The following GABRA6 variants were observed in gnomAD, a reference collection of about 807,000 sequenced individuals.
The protein encoded by GABRA6 is gamma-aminobutyric acid receptor subunit alpha-6.
Under a neutral mutation model 47.3 loss-of-function variants are expected in GABRA6, and 45 were observed. The ratio of observed to expected loss-of-function variants is 0.95; its 90% CI spans 0.75 to 1.22. The LOEUF (loss-of-function observed/expected upper bound fraction) is 1.22. Ranked by LOEUF, GABRA6 falls within the 50% of genes most tolerant of loss-of-function variation. The probability of loss-of-function intolerance (pLI) is 0.00; values close to 1 mark genes in which losing one functional copy is unlikely to be tolerated. For missense variants in GABRA6, 583 were observed against 549.3 expected, an observed-to-expected ratio of 1.06 and a Z score of -0.61; for synonymous variants, 219 against 194.7, an observed-to-expected ratio of 1.12 and a Z score of -1.04.
At chr5:161,694,955 T>C (rs979393436) in intron 8 of GABRA6, among the ~76,000 whole-genome samples, 3 of 152,182 alleles carry the variant, frequency 2.0e-5, no homozygotes, top group African/African-American at 7.2e-5. Context: ...CACAATGGTA[T>C]ATTTTGATTG....
chr5:161,693,602 G>A (rs1754840597), intron 8 of GABRA6, among the ~76,000 whole-genome samples: 2 of 151,904 alleles, frequency 1.3e-5, no homozygotes, highest in African/African-American at 4.8e-5. Context: ...CTTGAAGCCA[G>A]GAGTTAAAAA....
intron 6 of GABRA6, 127 bp downstream of exon 6, chr5:161,689,906 G>A (rs925576667): frequency 8.2e-6 from 8 of 981,186 alleles, no homozygotes; most frequent in Non-Finnish European, 1.2e-5. Flanking sequence ...GCAGTGATGA[G>A]TAGCTTTCCT....
intron 3 of GABRA6, 54 bp downstream of exon 3, chr5:161,687,057 T>G: frequency 1.6e-5 from 22 of 1,397,186 alleles, no homozygotes; most frequent in Non-Finnish European, 1.9e-5. Flanking sequence ...GAGAGTGGAG[T>G]CCCAAAACTA....
chr5:161,685,958 AG>A lies in GABRA6; in HGVS notation c.-29del. The A allele has an allele frequency of 4.4e-6, 7 of 1,606,674 alleles. No homozygotes were observed. The highest frequency in any genetic ancestry group is 6.0e-6 in the Non-Finnish European group (7 of 1,173,152). On this transcript the variant is annotated 5_prime_UTR_variant, in exon 1 of 9. Coordinates refer to ENST00000274545, the MANE Select transcript of GABRA6 (RefSeq NM_000811.3). ...GGCTAGCAGGGAGGACGACCCTAGG[AG>A]GGTGAATTCTGCATTTCAGTGCACT...
rs1754767474 is a variant in GABRA6 at position 161,690,187 on chromosome 5, G to C, written c.674-14G>C. 6.2e-7 allele frequency: 1 copy of C among 1,612,106 alleles called. No homozygotes were observed. The highest frequency in any genetic ancestry group is 1.3e-5 in the African/African-American group (1 of 74,858). ...GTCAGCAGTAATAATACTGATGTAT[G>C]TGTCTTCCAACAGGTGAATACGTTA... On this transcript the variant is annotated splice_polypyrimidine_tract_variant and intron_variant, in intron 6 of 8. Transcript: ENST00000274545.
At chr5:161,686,153 C>G in intron 1 of GABRA6, 77 bp from the exon 2 acceptor site, 1 of 1,389,916 alleles carries the variant, frequency 7.2e-7, no homozygotes, top group Admixed American at 1.7e-5. Context: ...GTATTTGTAA[C>G]AGGGTGGAAT....
intron 8 of GABRA6, among the ~76,000 whole-genome samples, chr5:161,693,621 G>A (rs1754841288): frequency 6.6e-6 from 1 of 150,508 alleles, no homozygotes; most frequent in South Asian, 2.1e-4. Context: ...AATCAGAATG[G>A]GCAACATAGC....
At chr5:161,687,049 G>T in intron 3 of GABRA6, 46 bp downstream of exon 3, 1 of 1,510,586 alleles carries the variant, frequency 6.6e-7, no homozygotes, top group Non-Finnish European at 9.2e-7. Flanking sequence ...TCGGGGAGGA[G>T]AGTGGAGTCC....
At chr5:161,690,504 C>A in intron 7 of GABRA6, 151 bp downstream of exon 7, 1 of 859,338 alleles carries the variant, frequency 1.2e-6, no homozygotes, top group Non-Finnish European at 1.9e-6. Context: ...TGCAAAATCA[C>A]TGTCATTATA....
At chr5:161,687,196 A>G (rs1754717443) in intron 3 of GABRA6, among the ~76,000 whole-genome samples, 193 bp downstream of exon 3, 1 of 152,162 alleles carries the variant, frequency 6.6e-6, no homozygotes, top group African/African-American at 2.4e-5. Context: ...GGGCTTGAAC[A>G]TTTTAAGCTG....
chr5:161,687,241 C>T (rs1289003177), intron 3 of GABRA6: 1 of 535,616 alleles, frequency 1.9e-6, no homozygotes, highest in African/African-American at 1.9e-5. Flanking sequence ...CTCTTCCATC[C>T]ACATGCTATG....
intron 8 of GABRA6, among the ~76,000 whole-genome samples, chr5:161,695,138 T>C (rs1157647195): frequency 1.3e-5 from 2 of 152,168 alleles, no homozygotes; most frequent in African/African-American, 4.8e-5. Flanking sequence ...TTTTAATATG[T>C]TCATTGCTTT....
Position 161,701,508 on chromosome 5 carries a change from C to T in GABRA6, c.1097C>T (p.Ser366Phe), listed in dbSNP as rs767826065. 152 of 1,614,008 alleles carry T rather than the reference C, an allele frequency of 9.4e-5. No individual in the cohort carries two copies. The highest frequency in any genetic ancestry group is 1.2e-4 in the Non-Finnish European group (146 of 1,180,032). Residue 366 changes from serine (S) to phenylalanine (F), a missense_variant, in exon 9 of 9, where the codon TCC becomes TTC. Physicochemically the swap from Ser to Phe is radical, Grantham distance 155 (BLOSUM62 -2). Transcript: ENST00000274545. The part of the protein sequence containing the change: ...LEAEIVLHPD[S>F]KYHLKKRITS... The stretch of plus-strand genomic sequence containing the variant: ...GTCTTTTTTCCACAGCATCCTGACT[C>T]CAAATATCATCTGAAGAAAAGGATC...
chr5:161,694,183 G>T (rs1754848846), intron 8 of GABRA6, among the ~76,000 whole-genome samples: 1 of 151,702 alleles, frequency 6.6e-6, no homozygotes, highest in Non-Finnish European at 1.5e-5. Flanking sequence ...GTATCCGTAT[G>T]CATATAAGTA....
intron 8 of GABRA6, among the ~76,000 whole-genome samples, chr5:161,693,751 G>T (rs930922315): frequency 1.3e-5 from 2 of 152,140 alleles, no homozygotes; most frequent in Non-Finnish European, 2.9e-5. Context: ...GCAGGATTTT[G>T]AAGTTACAGT....
chr5:161,691,896 G>A, intron 7 of GABRA6, 45 bp from the exon 8 acceptor site: 1 of 1,575,988 alleles, frequency 6.3e-7, no homozygotes, highest in South Asian at 1.1e-5. Context: ...TTTGCCATAG[G>A]ATTCCCAGTA....
Position 161,702,106 on chromosome 5 carries a change from A to T in GABRA6, c.*333A>T, listed in dbSNP as rs1754993134. On this transcript the variant is annotated 3_prime_UTR_variant, in exon 9 of 9. Coordinates refer to ENST00000274545, the MANE Select transcript of GABRA6 (RefSeq NM_000811.3). ...CTGTAAATAACATTTACCACAAGGC[A>T]GATAAAATAAGAAATGCTGACACTT... is the stretch of plus-strand genomic sequence containing the variant. 3.6e-6 allele frequency: 1 copy of T among 280,128 alleles called. No homozygotes were observed. Among genetic ancestry groups the T allele is most frequent in the African/African-American group, 2.2e-5 (1 of 45,750 alleles). The allele number at this position is 280,128 out of a possible 1,614,324, so 17.4% of individuals were successfully genotyped here.
rs749028220 is a variant in GABRA6 at position 161,690,232 on chromosome 5, C to T, written c.705C>T (p.His235=). 3 of 1,613,698 alleles carry T rather than the reference C, an allele frequency of 1.9e-6. No homozygotes were observed. In the South Asian group the frequency reaches 3.3e-5, roughly 18 times the overall value. Residue 235 remains histidine, a synonymous_variant, in exon 7 of 9, where the codon CAC becomes CAT. Coordinates refer to ENST00000274545, the MANE Select transcript of GABRA6 (RefSeq NM_000811.3). ...GEYVIMTVYF[H]LQRKMGYFMI... is the part of the protein sequence containing the mutation. ...ACGTTATAATGACAGTTTACTTCCACTTGCAAAGGAAGATGGGCTACTTCA... is the reference window on the plus strand; with the variant it reads ...ACGTTATAATGACAGTTTACTTCCATTTGCAAAGGAAGATGGGCTACTTCA...
chr5:161,697,140 G>A (rs190384108), intron 8 of GABRA6, among the ~76,000 whole-genome samples: 2 of 152,316 alleles, frequency 1.3e-5, no homozygotes, highest in African/African-American at 2.4e-5. Context: ...ACCTAAAGCA[G>A]GATGGCACTC....
Sources: allele counts gnomAD v4.1 joint callset (sites outside exome capture counted in the v4.1 genomes callset), GRCh38; gene constraint gnomAD v4.1.1; transcripts MANE v1.5; gene names NCBI Gene and HGNC (gene_info 2026-07-23, HGNC 2026-07-21).